CDH12: variants seen among roughly 807,000 people sequenced by gnomAD.
CDH12 encodes cadherin-12.
A neutral mutation model predicts 74.1 loss-of-function variants in CDH12; 41 were observed. The ratio of observed to expected loss-of-function variants is 0.55; its 90% CI spans 0.43 to 0.72. The LOEUF (loss-of-function observed/expected upper bound fraction) is 0.72. Among genes scored for constraint, CDH12 ranks in the 30% least tolerant of loss-of-function variants. The probability of loss-of-function intolerance (pLI) is 0.00; values close to 1 mark genes in which losing one functional copy is unlikely to be tolerated. For synonymous variants in CDH12, 399 were observed against 355.0 expected, an observed-to-expected ratio of 1.12 and a Z score of -1.39; for missense variants, 945 against 977.2, an observed-to-expected ratio of 0.97 and a Z score of 0.44.
intron 6 of CDH12, among the ~76,000 whole-genome samples, chr5:21,948,803 G>C (rs1158091998): frequency 6.6e-6 from 1 of 152,180 alleles, no homozygotes; most frequent in African/African-American, 2.4e-5. Flanking sequence ...GGCAGGACCT[G>C]GTGGAAGGTG....
intron 4 of CDH12, among the ~76,000 whole-genome samples, chr5:22,159,905 G>A (rs1748227955): frequency 6.6e-6 from 1 of 152,160 alleles, no homozygotes; most frequent in African/African-American, 2.4e-5. Context: ...GTAGCAAAAT[G>A]TGTCTGTGTG....
chr5:22,720,958 G>A (rs1391226538), intron 1 of CDH12, among the ~76,000 whole-genome samples: 2 of 152,202 alleles, frequency 1.3e-5, no homozygotes. Context: ...CTAACCATGT[G>A]GTAGAAAAGA....
intron 3 of CDH12, among the ~76,000 whole-genome samples, chr5:22,228,184 T>A (rs1752260303): frequency 6.6e-6 from 1 of 152,142 alleles, no homozygotes; most frequent in Non-Finnish European, 1.5e-5. Context: ...TAGTTATTAA[T>A]AATGGTACCG....
chr5:21,985,095 T>C (rs1453558145), intron 5 of CDH12, among the ~76,000 whole-genome samples: 2 of 152,198 alleles, frequency 1.3e-5, no homozygotes, highest in Non-Finnish European at 2.9e-5. Context: ...CCCATAAGTT[T>C]CAAGCATTGC....
chr5:22,395,060 A>G (rs908567903), intron 3 of CDH12, among the ~76,000 whole-genome samples: 4 of 152,132 alleles, frequency 2.6e-5, no homozygotes, highest in African/African-American at 7.2e-5. Context: ...GTAAATGCTA[A>G]CTTATCTGGG....
chr5:21,893,967 A>C (rs2150046965), intron 6 of CDH12, among the ~76,000 whole-genome samples: 1 of 152,322 alleles, frequency 6.6e-6, no homozygotes, highest in Middle Eastern at 3.4e-3. Context: ...TCGCTGAAGA[A>C]ACCATTTACA....
chr5:22,481,869 C>G (rs566510237), intron 2 of CDH12, among the ~76,000 whole-genome samples: 2 of 150,704 alleles, frequency 1.3e-5, no homozygotes, highest in African/African-American at 4.9e-5. Context: ...ATGTTAAGTG[C>G]GCTTGCACTT....
intron 3 of CDH12, among the ~76,000 whole-genome samples, chr5:22,377,395 T>C (rs1279583558): frequency 1.3e-5 from 2 of 152,154 alleles, no homozygotes; most frequent in African/African-American, 4.8e-5. Context: ...TACCCTGTCA[T>C]GAACAGTGCC....
At chr5:22,557,372 C>T (rs143854412) in intron 1 of CDH12, among the ~76,000 whole-genome samples, 339 of 152,086 alleles carry the variant, frequency 2.2e-3, no homozygotes, top group Non-Finnish European at 4.0e-3. Context: ...CTCTGAGAGG[C>T]CATAAGGCAT....
At position 22,529,188 on chromosome 5, in the gene CDH12, TAGAGAGAGAGAGAG is replaced by T. The variant is rs374921601; in HGVS notation, c.-522-23838_-522-23825del. Among the ~76,000 whole-genome samples, 469 of 84,530 alleles carry T rather than the reference TAGAGAGAGAGAGAG, an allele frequency of 5.5e-3. 5 individuals are homozygous for T. The highest frequency in any genetic ancestry group is 5.5e-3 in the Non-Finnish European group (229 of 41,514). 55.5% of individuals were successfully genotyped at this position (84,530 alleles called of 152,430 possible). On this transcript the variant is annotated intron_variant, in intron 1 of 14. Coordinates refer to ENST00000382254, the MANE Select transcript of CDH12 (RefSeq NM_004061.5). Reference sequence around the variant, plus strand: ...GTGTATATATATATATATATATATATAGAGAGAGAGAGAGAGAGAGAGAGAGAGAGAGAGAGAAG... The same window carrying T: ...GTGTATATATATATATATATATATATAGAGAGAGAGAGAGAGAGAGAGAAG...
At chr5:22,672,028 A>C (rs1740924693) in intron 1 of CDH12, among the ~76,000 whole-genome samples, 1 of 144,392 alleles carries the variant, frequency 6.9e-6, no homozygotes, top group South Asian at 2.1e-4. Flanking sequence ...ATATATATAA[A>C]TATACGTAAA....
At chr5:21,775,965 C>T (rs751571542) in intron 11 of CDH12, among the ~76,000 whole-genome samples, 3 of 152,118 alleles carry the variant, frequency 2.0e-5, no homozygotes, top group African/African-American at 7.2e-5. Flanking sequence ...GATATTCACA[C>T]CCTCATGTAA....
At chr5:22,472,700 C>T (rs1463787456) in intron 2 of CDH12, among the ~76,000 whole-genome samples, 1 of 152,002 alleles carries the variant, frequency 6.6e-6, no homozygotes, top group Non-Finnish European at 1.5e-5. Context: ...TTCTATTGAA[C>T]CCTTGTAACT....
chr5:22,357,219 T>C (rs969717368), intron 3 of CDH12, among the ~76,000 whole-genome samples: 47 of 152,152 alleles, frequency 3.1e-4, no homozygotes, highest in Admixed American at 1.4e-3. Context: ...ACTGTCCAGG[T>C]TGGAGATTCC....
chr5:22,525,716 C>G (rs1338329335), intron 1 of CDH12, among the ~76,000 whole-genome samples: 1 of 152,132 alleles, frequency 6.6e-6, no homozygotes, highest in African/African-American at 2.4e-5. Context: ...CTCAGAGAAG[C>G]AACTTCGGGC....
At chr5:22,698,720 TATATATATATATATA>T (rs1260162901) in intron 1 of CDH12, among the ~76,000 whole-genome samples, 60 of 18,172 alleles carry the variant, frequency 3.3e-3, no homozygotes, top group Admixed American at 4.4e-3. Flanking sequence ...TATATATATA[TATATATATATATATA>T]GTGTGTGTGT....
chr5:22,525,844 T>A (rs1222368271), intron 1 of CDH12, among the ~76,000 whole-genome samples: 1 of 152,186 alleles, frequency 6.6e-6, no homozygotes, highest in Non-Finnish European at 1.5e-5. Flanking sequence ...TAACTACCTA[T>A]GTCAAGAACA....
chr5:22,269,686 C>T (rs1448997937), intron 3 of CDH12, among the ~76,000 whole-genome samples: 4 of 152,072 alleles, frequency 2.6e-5, no homozygotes, highest in East Asian at 1.9e-4. Flanking sequence ...ATAAGAGTCC[C>T]CATCCTTCAC....
chr5:22,840,306 T>G (rs1284009866), intron 1 of CDH12, among the ~76,000 whole-genome samples: 1 of 151,990 alleles, frequency 6.6e-6, no homozygotes, highest in African/African-American at 2.4e-5. Flanking sequence ...ATATTTTTAG[T>G]AGAGACGGGG....
Sources: gnomAD v4.1 joint callset for allele counts (sites outside exome capture counted in the v4.1 genomes callset) on GRCh38, gnomAD v4.1.1 for gene constraint, MANE v1.5 for transcripts, NCBI Gene and HGNC (gene_info 2026-07-23, HGNC 2026-07-21) for gene names.